TOLLIP: variants seen among roughly 807,000 people sequenced by gnomAD.
TOLLIP encodes the protein toll interacting protein, also known as toll-interacting protein.
TOLLIP carries 16 observed loss-of-function variants against 33.5 expected under a neutral mutation model. The ratio of observed to expected loss-of-function variants is 0.48; its 90% CI spans 0.32 to 0.72. The LOEUF (loss-of-function observed/expected upper bound fraction) is 0.72. Ranked by LOEUF, TOLLIP falls within the 30% of genes least tolerant of loss-of-function variation. The pLI, the probability that TOLLIP is intolerant of heterozygous loss-of-function variation, is 0.03. For missense variants in TOLLIP, 325 were observed against 396.6 expected, an observed-to-expected ratio of 0.82 and a Z score of 1.53; for synonymous variants, 176 against 163.7, an observed-to-expected ratio of 1.07 and a Z score of -0.57.
At chr11:1,300,789 G>A (rs1864248362) in intron 1 of TOLLIP, among the ~76,000 whole-genome samples, 3 of 152,206 alleles carry the variant, frequency 2.0e-5, no homozygotes, top group African/African-American at 7.2e-5. Context: ...CCAAGGAGCC[G>A]CACCACAGTC....
chr11:1,277,365 GC>G lies in TOLLIP; in HGVS notation c.611-113del. ...TCCCACCGGCCTCCCTGAGGAAGGG[GC>G]CACCTCGGGTCTCAGCAAACACCAG... On this transcript the variant is annotated intron_variant, in intron 5 of 5. Coordinates refer to ENST00000317204, the MANE Select transcript of TOLLIP (RefSeq NM_019009.4). The surrounding 1 kb of genome is among the most constrained non-coding windows in gnomAD (Gnocchi z 4.2). 1 of 859,814 alleles carries G rather than the reference GC, an allele frequency of 1.2e-6. No individual in the cohort carries two copies. Among genetic ancestry groups the G allele is most frequent in the Non-Finnish European group, 1.7e-6 (1 of 582,474 alleles). The allele number at this position is 859,814 out of a possible 1,614,324, so 53.3% of individuals were successfully genotyped here. A position where few individuals can be genotyped will look rare whatever the true frequency, so the allele number is the denominator to read the frequency against.
intron 1 of TOLLIP, 63 bp from the exon 2 acceptor site, chr11:1,295,857 C>G (rs1864098503): frequency 6.7e-7 from 1 of 1,489,208 alleles, no homozygotes; most frequent in Admixed American, 2.2e-5. Context: ...AGCCCGACAG[C>G]AGCTGCCCCC....
At chr11:1,288,842 A>C in intron 3 of TOLLIP, 66 bp from the exon 4 acceptor site, 1 of 1,547,848 alleles carries the variant, frequency 6.5e-7, no homozygotes, top group Non-Finnish European at 8.8e-7. Flanking sequence ...CTGCAGCCGC[A>C]CCATCGTGGG....
rs781186627 is a variant in TOLLIP, at chr11:1,277,031, C to A, written c.*8G>T. The stretch of plus-strand genomic sequence containing the variant: ...GAGCGGGGGCAAAACGGCATCGAGG[C>A]AGAGGCTCTATGGCTCCTCCCCCAT... On this transcript the variant is annotated 3_prime_UTR_variant, in exon 6 of 6. Coordinates refer to ENST00000317204, the MANE Select transcript of TOLLIP (RefSeq NM_019009.4). This position sits in a 1 kb window ranked among gnomAD's most constrained non-coding sequence, Gnocchi z 4.2. 2 of 1,612,236 alleles carry A rather than the reference C, an allele frequency of 1.2e-6. No individual in the cohort carries two copies. Among genetic ancestry groups the A allele is most frequent in the Non-Finnish European group, 1.7e-6 (2 of 1,178,652 alleles).
chr11:1,290,615 T>C lies in TOLLIP; in HGVS notation c.184-206A>G, dbSNP rs906533471. On this transcript the variant is annotated intron_variant, in intron 2 of 5. Transcript: ENST00000317204. This position sits in a 1 kb window ranked among gnomAD's most constrained non-coding sequence, Gnocchi z 4.9. ...GTGAGCCACAGATGGATCGTGCAGT[T>C]CTGAGACAAAGCACGTGGCTCGTCC... 1.3e-5 allele frequency among the ~76,000 whole-genome samples: 2 copies of C among 152,092 alleles called. No individual in the cohort carries two copies. Among genetic ancestry groups the C allele is most frequent in the South Asian group, 4.1e-4 (2 of 4,826 alleles).
At chr11:1,285,595 C>T (rs1002477993) in intron 5 of TOLLIP, among the ~76,000 whole-genome samples, 5 of 152,120 alleles carry the variant, frequency 3.3e-5, no homozygotes, top group Non-Finnish European at 7.4e-5. Context: ...AACGGCGCAG[C>T]GCAGGGCACG....
intron 1 of TOLLIP, among the ~76,000 whole-genome samples, chr11:1,306,459 C>A (rs1215017236): frequency 6.6e-6 from 1 of 152,126 alleles, no homozygotes; most frequent in Non-Finnish European, 1.5e-5. Context: ...TGCCCCCGGA[C>A]CCTGGGGAGC....
chr11:1,286,943 C>CT (rs946211947), intron 4 of TOLLIP, among the ~76,000 whole-genome samples: 2 of 152,170 alleles, frequency 1.3e-5, no homozygotes, highest in Non-Finnish European at 2.9e-5. Flanking sequence ...GCTGTTGTCT[C>CT]TGAGTTCAAA....
chr11:1,287,334 G>C (rs1451858629), intron 4 of TOLLIP, among the ~76,000 whole-genome samples: 1 of 151,972 alleles, frequency 6.6e-6, no homozygotes, highest in Non-Finnish European at 1.5e-5. Flanking sequence ...AAATATCCCA[G>C]CTTTAACAAA....
chr11:1,280,532 A>C (rs896234734), intron 5 of TOLLIP, among the ~76,000 whole-genome samples: 4 of 152,050 alleles, frequency 2.6e-5, no homozygotes, highest in Admixed American at 6.5e-5. Context: ...GAAAAGAGAG[A>C]AGCACTCCAG....
At chr11:1,293,039 C>T (rs533650906) in intron 2 of TOLLIP, among the ~76,000 whole-genome samples, 5 of 152,222 alleles carry the variant, frequency 3.3e-5, no homozygotes, top group Non-Finnish European at 5.9e-5. Context: ...AGGGGCTGAG[C>T]GGGGGCAGTG....
In TOLLIP at chr11:1,290,003, C is replaced by T; in HGVS notation, c.366+224G>A. 2 of 559,796 alleles carry T rather than the reference C, an allele frequency of 3.6e-6. No homozygotes were observed. The highest frequency in any genetic ancestry group is 6.4e-6 in the Non-Finnish European group (2 of 312,886). The allele number at this position is 559,796 out of a possible 1,614,324, so 34.7% of individuals were successfully genotyped here. On this transcript the variant is annotated intron_variant, in intron 3 of 5. Transcript: ENST00000317204. This position sits in a 1 kb window ranked among gnomAD's most constrained non-coding sequence, Gnocchi z 4.9. ...CGCTGTATCCCTGGGTCATGCTTGT[C>T]ACTGGGGATGTTTCCAAATGTAAGT...
intron 4 of TOLLIP, among the ~76,000 whole-genome samples, chr11:1,287,038 C>T (rs755015129): frequency 5.9e-5 from 9 of 151,604 alleles, no homozygotes; most frequent in Non-Finnish European, 1.2e-4. Context: ...GCACCACTGT[C>T]GCCTCTGAGT....
intron 5 of TOLLIP, among the ~76,000 whole-genome samples, chr11:1,282,538 A>G (rs551330441): frequency 9.9e-5 from 15 of 152,266 alleles, no homozygotes; most frequent in African/African-American, 3.4e-4. Context: ...TGATGAGTCA[A>G]TGGGTCCGGC....
At chr11:1,280,490 G>C (rs1390493501) in intron 5 of TOLLIP, among the ~76,000 whole-genome samples, 1 of 152,114 alleles carries the variant, frequency 6.6e-6, no homozygotes, top group Non-Finnish European at 1.5e-5. Context: ...TGACGGGAGG[G>C]ACTGCGCCGG....
chr11:1,291,546 C>A (rs55686144), intron 2 of TOLLIP, among the ~76,000 whole-genome samples: 297 of 151,074 alleles, frequency 2.0e-3, no homozygotes, highest in Middle Eastern at 6.9e-3. Flanking sequence ...AAGGCACGGC[C>A]ACCCCATCCT....
chr11:1,288,543 A>C, intron 4 of TOLLIP, 81 bp downstream of exon 4: 1 of 1,474,898 alleles, frequency 6.8e-7, no homozygotes, highest in Non-Finnish European at 9.1e-7. Context: ...GAAAGAGACA[A>C]GGGTGTCTGT....
Position 1,309,624 on chromosome 11 carries a change from G to T in TOLLIP, c.-126C>A, listed in dbSNP as rs929333627. 2.8e-6 allele frequency: 1 copy of T among 357,812 alleles called. No individual in the cohort carries two copies. The highest frequency in any genetic ancestry group is 4.8e-6 in the Non-Finnish European group (1 of 206,864). The allele number at this position is 357,812 out of a possible 1,614,324, so 22.2% of individuals were successfully genotyped here. On this transcript the variant is annotated 5_prime_UTR_variant, in exon 1 of 6. Coordinates refer to ENST00000317204, the MANE Select transcript of TOLLIP (RefSeq NM_019009.4). ...GAGGCCGCCGCCGCCACAGTCAGCT[G>T]ACAGCCGCCGCGCCCCGCCCCCGGC...
chr11:1,286,622 C>T (rs563846965), intron 4 of TOLLIP, among the ~76,000 whole-genome samples: 8 of 151,642 alleles, frequency 5.3e-5, no homozygotes, highest in Admixed American at 2.0e-4. Context: ...GGATAAGTCA[C>T]TGCACTGCTG....
Sources: allele counts gnomAD v4.1 joint callset (sites outside exome capture counted in the v4.1 genomes callset), GRCh38; gene constraint gnomAD v4.1.1; non-coding constraint Gnocchi (gnomAD v3.1); transcripts MANE v1.5; gene names NCBI Gene and HGNC (gene_info 2026-07-23, HGNC 2026-07-21).